Variants in PRELID2 observed in about 807,000 individuals in gnomAD.
The protein encoded by PRELID2 is PRELI domain containing 2.
PRELID2 carries 25 observed loss-of-function variants against 28.4 expected under a neutral mutation model. The ratio of observed to expected loss-of-function variants is 0.88; its 90% confidence interval spans 0.64 to 1.23. PRELID2 has a LOEUF of 1.23. PRELID2 is among the 50% of genes most tolerant of loss of function. PRELID2 has a pLI of 0.00. For synonymous variants in PRELID2, 76 were observed against 71.6 expected, an observed-to-expected ratio of 1.06 and a Z score of -0.31; for missense variants, 201 against 214.4, an observed-to-expected ratio of 0.94 and a Z score of 0.39.
chr5:145,634,405 G>A (rs1044310559), intron 1 of PRELID2, among the ~76,000 whole-genome samples: 3 of 152,074 alleles, frequency 2.0e-5, no homozygotes, highest in South Asian at 4.1e-4. Flanking sequence ...CAAACACCTC[G>A]CATTCAATGC....
At chr5:145,399,189 T>G in the PRELID2 span, among the ~76,000 whole-genome samples, 1 of 152,132 alleles carries the variant, frequency 6.6e-6, no homozygotes, top group South Asian at 2.1e-4. Flanking sequence ...TTCTTACTCG[T>G]TATCTAGAGG....
chr5:145,615,213 T>C (rs564710403), intron 1 of PRELID2, among the ~76,000 whole-genome samples: 2 of 152,176 alleles, frequency 1.3e-5, no homozygotes, highest in Non-Finnish European at 2.9e-5. Context: ...TTGTCTGATG[T>C]AAGAATAACT....
chr5:145,318,247 A>C, the PRELID2 span, among the ~76,000 whole-genome samples: 2 of 152,202 alleles, frequency 1.3e-5, no homozygotes, highest in Non-Finnish European at 2.9e-5. Flanking sequence ...ATTAAAGAAG[A>C]TAAATCAAAG....
chr5:145,614,851 A>G (rs1753671560), intron 1 of PRELID2, among the ~76,000 whole-genome samples: 1 of 152,126 alleles, frequency 6.6e-6, no homozygotes, highest in South Asian at 2.1e-4. Context: ...TCTGGCTAGG[A>G]CTTCCAATAC....
At chr5:145,633,009 T>C (rs1397076730) in intron 1 of PRELID2, among the ~76,000 whole-genome samples, 9 of 152,106 alleles carry the variant, frequency 5.9e-5, no homozygotes, top group Admixed American at 4.6e-4. Flanking sequence ...AAGCAAAGAT[T>C]AGCCCCATTT....
At chr5:145,431,133 G>A in the PRELID2 span, among the ~76,000 whole-genome samples, 1 of 149,932 alleles carries the variant, frequency 6.7e-6, no homozygotes, top group East Asian at 2.0e-4. Flanking sequence ...AAATACGGTG[G>A]GAAATAGAAT....
chr5:145,388,170 T>C, the PRELID2 span, among the ~76,000 whole-genome samples: 1 of 152,036 alleles, frequency 6.6e-6, no homozygotes, highest in Non-Finnish European at 1.5e-5. Flanking sequence ...GTTTGAAAAA[T>C]GGGGTAAAAA....
chr5:145,344,652 A>G, the PRELID2 span, among the ~76,000 whole-genome samples: 3 of 152,054 alleles, frequency 2.0e-5, no homozygotes, highest in African/African-American at 7.2e-5. Context: ...TCTTAACCAC[A>G]CAGAATCCTC....
intron 3 of PRELID2, chr5:145,819,605 AT>A: frequency 1.7e-6 from 1 of 581,446 alleles, no homozygotes; most frequent in Non-Finnish European, 3.0e-6. Context: ...AAATATTTAC[AT>A]TCTTCCCATT....
At chr5:145,762,077 C>T (rs2149765223) in intron 6 of PRELID2, among the ~76,000 whole-genome samples, 1 of 152,226 alleles carries the variant, frequency 6.6e-6, no homozygotes, top group East Asian at 1.9e-4. Flanking sequence ...ACATATATCC[C>T]CTACTTTACA....
the PRELID2 span, among the ~76,000 whole-genome samples, chr5:145,236,457 G>T: frequency 2.0e-5 from 3 of 152,108 alleles, no homozygotes; most frequent in African/African-American, 7.2e-5. Flanking sequence ...GCAAAGGGCT[G>T]CCCCCACAGA....
intron 1 of PRELID2, among the ~76,000 whole-genome samples, chr5:145,542,451 A>C (rs1752751234): frequency 6.6e-6 from 1 of 152,170 alleles, no homozygotes; most frequent in African/African-American, 2.4e-5. Flanking sequence ...CACTTAGTAG[A>C]CATAAGGACT....
the PRELID2 span, among the ~76,000 whole-genome samples, chr5:145,309,616 AC>A: frequency 3.3e-5 from 5 of 152,316 alleles, no homozygotes; most frequent in South Asian, 1.0e-3. Context: ...ACTCTCACTA[AC>A]AACAATAGCT....
chr5:145,772,733 T>C (rs1486166384), intron 5 of PRELID2, among the ~76,000 whole-genome samples: 1 of 152,202 alleles, frequency 6.6e-6, no homozygotes, highest in Non-Finnish European at 1.5e-5. Flanking sequence ...GGGGGACACA[T>C]TCAAACCATA....
At chr5:145,315,172 C>T in the PRELID2 span, among the ~76,000 whole-genome samples, 2 of 149,630 alleles carry the variant, frequency 1.3e-5, no homozygotes, top group Non-Finnish European at 3.0e-5. Flanking sequence ...CGGGCTCAAG[C>T]GATTCTCCTG....
chr5:145,610,308 GGT>G (rs1230754301), intron 1 of PRELID2, among the ~76,000 whole-genome samples: 3 of 152,098 alleles, frequency 2.0e-5, no homozygotes, highest in Non-Finnish European at 4.4e-5. Flanking sequence ...ATCCCAACAT[GGT>G]TTCTTGGATA....
the PRELID2 span, among the ~76,000 whole-genome samples, chr5:145,249,937 G>GTC: frequency 0.035 from 4,827 of 138,596 alleles, 161 homozygotes; most frequent in African/African-American, 0.077. Context: ...CTCTCTCTCT[G>GTC]TCTCTCTCTC....
the PRELID2 span, among the ~76,000 whole-genome samples, chr5:145,248,842 T>G: frequency 6.6e-6 from 1 of 152,060 alleles, no homozygotes. Context: ...TGGCATTGTC[T>G]CCTCATCTTA....
chr5:145,615,309 T>G (rs578175807), intron 1 of PRELID2, among the ~76,000 whole-genome samples: 6 of 149,276 alleles, frequency 4.0e-5, no homozygotes, highest in African/African-American at 1.5e-4. Context: ...TTATGTGTTA[T>G]GTGAGTCTCT....
Sources: gnomAD v4.1 joint callset for allele counts (sites outside exome capture counted in the v4.1 genomes callset) on GRCh38, gnomAD v4.1.1 for gene constraint, MANE v1.5 for transcripts, NCBI Gene and HGNC (gene_info 2026-07-23, HGNC 2026-07-21) for gene names.